Variants in CCDC57 observed in about 807,000 individuals in gnomAD.
CCDC57 encodes coiled-coil domain-containing protein 57.
Under a neutral mutation model 118.9 loss-of-function variants are expected in CCDC57, and 118 were observed. That is an observed-to-expected ratio of 0.99 (90% confidence interval 0.86 to 1.16). The LOEUF (loss-of-function observed/expected upper bound fraction) is 1.16, where lower values mean the gene tolerates loss of function less well. CCDC57 is among the 50% of genes most tolerant of loss of function. CCDC57 has a pLI of 0.00. For missense variants in CCDC57, 1,300 were observed against 1,320.7 expected, an observed-to-expected ratio of 0.98 and a Z score of 0.24; for synonymous variants, 527 against 532.9, an observed-to-expected ratio of 0.99 and a Z score of 0.15.
chr17:82,185,445 C>T (rs867465958), intron 8 of CCDC57, among the ~76,000 whole-genome samples: 1 of 151,396 alleles, frequency 6.6e-6, no homozygotes, highest in Non-Finnish European at 1.5e-5. Context: ...ATGACTAAAC[C>T]CTGTCTCTAC....
Position 82,194,401 on chromosome 17 carries a change from C to T in CCDC57, c.619-262G>A, listed in dbSNP as rs79460305. 6.1e-3 allele frequency: 2,084 copies of T among 341,220 alleles called. 11 individuals carry two copies. The highest frequency in any genetic ancestry group is 0.011 in the Admixed American group (241 of 22,816). The allele number at this position is 341,220 out of a possible 1,614,324, so 21.1% of individuals were successfully genotyped here. The stretch of plus-strand genomic sequence containing the variant: ...TCTCGGCTCACTGCAACCTCCCCCT[C>T]CTGGGTTCAAGCAATTCTCCTGCCT... On this transcript the variant is annotated intron_variant, in intron 5 of 19. Transcript: ENST00000665763.
At chr17:82,194,428 A>G (rs2048055445) in intron 5 of CCDC57, among the ~76,000 whole-genome samples, 1 of 151,650 alleles carries the variant, frequency 6.6e-6, no homozygotes, top group African/African-American at 2.4e-5. Flanking sequence ...CTCCTGCCTT[A>G]GCCTCACGAG....
intron 14 of CCDC57, among the ~76,000 whole-genome samples, chr17:82,160,971 T>C (rs1225807511): frequency 2.6e-5 from 4 of 150,964 alleles, no homozygotes; most frequent in Non-Finnish European, 4.4e-5. Context: ...GGGACTTGTA[T>C]CTGGAATATA....
Position 82,124,521 on chromosome 17 carries a change from G to T in CCDC57, c.2899+3171C>A, listed in dbSNP as rs375997983. Among the ~76,000 whole-genome samples the T allele has an allele frequency of 1.4e-4, 22 of 152,252 alleles. No individual in the cohort carries two copies. In the East Asian group the frequency reaches 4.0e-3, roughly 28 times the overall value. ...CTGTTCTAAAGATGAGGCCAGGCAC[G>T]GTGGCTCATGCCCGTAATCCCAGCA... On this transcript the variant is annotated intron_variant, in intron 19 of 19. Transcript: ENST00000665763.
At chr17:82,174,515 C>A (rs914173779) in intron 11 of CCDC57, among the ~76,000 whole-genome samples, 2 of 152,210 alleles carry the variant, frequency 1.3e-5, no homozygotes, top group Non-Finnish European at 2.9e-5. Context: ...ACACTAAGGG[C>A]TCCTTACCCA....
At chr17:82,145,177 C>T (rs952378404) in intron 16 of CCDC57, among the ~76,000 whole-genome samples, 4 of 151,068 alleles carry the variant, frequency 2.6e-5, no homozygotes, top group African/African-American at 7.3e-5. Context: ...CGTGCCCCAA[C>T]ACTTGGCTAA....
At chr17:82,140,366 G>T (rs545253154) in intron 16 of CCDC57, among the ~76,000 whole-genome samples, 33 of 152,024 alleles carry the variant, frequency 2.2e-4, no homozygotes, top group Non-Finnish European at 3.7e-4. Context: ...GATTACAGGC[G>T]TGAGCCACCA....
At chr17:82,195,558 C>T (rs981947459) in intron 4 of CCDC57, among the ~76,000 whole-genome samples, 194 bp from the exon 4 acceptor site, 2 of 151,686 alleles carry the variant, frequency 1.3e-5, no homozygotes, top group East Asian at 1.9e-4. Flanking sequence ...GCGGGAGGAT[C>T]GCTTGAGCCC....
At chr17:82,140,029 T>C (rs1214182825) in intron 16 of CCDC57, among the ~76,000 whole-genome samples, 1 of 152,212 alleles carries the variant, frequency 6.6e-6, no homozygotes, top group Non-Finnish European at 1.5e-5. Flanking sequence ...CCACACAAAT[T>C]TTGTAGTCTC....
chr17:82,127,555 T>C, intron 19 of CCDC57, 137 bp downstream of exon 18: 1 of 1,443,800 alleles, frequency 6.9e-7, no homozygotes, highest in East Asian at 2.5e-5. Flanking sequence ...AGAGACTCCA[T>C]GCATTACTCA....
At chr17:82,102,636 A>G (rs908112902) in intron 19 of CCDC57, among the ~76,000 whole-genome samples, 1 of 152,160 alleles carries the variant, frequency 6.6e-6, no homozygotes, top group Admixed American at 6.5e-5. Flanking sequence ...TAATCCCAGC[A>G]CTTTGGGAGG....
chr17:82,140,501 G>A (rs2039873820), intron 16 of CCDC57, among the ~76,000 whole-genome samples: 1 of 152,224 alleles, frequency 6.6e-6, no homozygotes, highest in African/African-American at 2.4e-5. Flanking sequence ...GATTACAGGT[G>A]TGAGCCACCG....
At chr17:82,109,903 C>T (rs1430976339) in intron 19 of CCDC57, among the ~76,000 whole-genome samples, 1 of 151,110 alleles carries the variant, frequency 6.6e-6, no homozygotes, top group African/African-American at 2.4e-5. Context: ...AATAAAAGAT[C>T]CAGTTAAAAA....
chr17:82,210,699 T>TA (rs749668557), intron 1 of CCDC57, among the ~76,000 whole-genome samples: 75 of 90,586 alleles, frequency 8.3e-4, no homozygotes, highest in Non-Finnish European at 8.3e-4. Context: ...TAAAATTAAT[T>TA]AAAAAAAAAA....
chr17:82,195,380 T>G lies in CCDC57; in HGVS notation c.517-16A>C. 6.4e-7 allele frequency: 1 copy of G among 1,571,240 alleles called. No individual in the cohort carries two copies. The highest frequency in any genetic ancestry group is 8.6e-7 in the Non-Finnish European group (1 of 1,157,130). The stretch of plus-strand genomic sequence containing the variant: ...GCAGCAGTTCCTGGAACAAACAGGT[T>G]TCATGATGAAAGAACAGTGGGAACC... On this transcript the variant is annotated splice_polypyrimidine_tract_variant and intron_variant, in intron 4 of 19. Transcript: ENST00000665763.
intron 1 of CCDC57, among the ~76,000 whole-genome samples, chr17:82,211,581 CTT>C (rs149218281): frequency 0.047 from 7,026 of 148,158 alleles, 222 homozygotes; most frequent in African/African-American, 0.09. Flanking sequence ...GAGTTTCGCT[CTT>C]GTCTCCCAGA....
intron 19 of CCDC57, among the ~76,000 whole-genome samples, chr17:82,103,553 T>C (rs1206748527): frequency 6.6e-6 from 1 of 152,232 alleles, no homozygotes; most frequent in Non-Finnish European, 1.5e-5. Flanking sequence ...GCTGGTCCTC[T>C]GACCAGGCCC....
At chr17:82,155,869 G>C (rs2042612120) in intron 15 of CCDC57, 1 of 152,260 alleles carries the variant, frequency 6.6e-6, no homozygotes, top group Non-Finnish European at 1.5e-5. Context: ...GAGGAGCCTG[G>C]AGCCCGACTG....
intron 5 of CCDC57, 82 bp downstream of exon 4, chr17:82,195,181 G>T: frequency 9.9e-7 from 1 of 1,009,516 alleles, no homozygotes; most frequent in Non-Finnish European, 1.5e-6. Context: ...CTCCCAAAGT[G>T]CTGAGATGAC....
Sources: allele counts gnomAD v4.1 joint callset (sites outside exome capture counted in the v4.1 genomes callset), GRCh38; gene constraint gnomAD v4.1.1; transcripts MANE v1.5; gene names NCBI Gene and HGNC (gene_info 2026-07-23, HGNC 2026-07-21).